EIF4EBP1: variants seen among roughly 807,000 people sequenced by gnomAD.
EIF4EBP1 encodes eukaryotic translation initiation factor 4E binding protein 1.
A neutral mutation model predicts 9.2 loss-of-function variants in EIF4EBP1; 5 were observed. The ratio of observed to expected loss-of-function variants is 0.54; its 90% CI spans 0.28 to 1.14. EIF4EBP1 has a LOEUF of 1.14. Among genes scored for constraint, EIF4EBP1 ranks in the 50% most tolerant of loss-of-function variants. The pLI is 0.09. For missense variants in EIF4EBP1, 139 were observed against 169.6 expected, an observed-to-expected ratio of 0.82 and a Z score of 1.00; for synonymous variants, 62 against 67.0, an observed-to-expected ratio of 0.93 and a Z score of 0.36.
intron 1 of EIF4EBP1, among the ~76,000 whole-genome samples, chr8:38,043,855 C>T (rs1320694886): frequency 6.6e-6 from 1 of 152,120 alleles, no homozygotes; most frequent in African/African-American, 2.4e-5. Context: ...CTGCATCTCT[C>T]ACCAGGATTT....
chr8:38,051,218 C>T (rs1388744834), intron 1 of EIF4EBP1, among the ~76,000 whole-genome samples: 4 of 152,164 alleles, frequency 2.6e-5, no homozygotes, highest in South Asian at 2.1e-4. Flanking sequence ...CTGGGGCAAA[C>T]GGAGAACTTG....
At chr8:38,043,058 C>A (rs556537009) in intron 1 of EIF4EBP1, among the ~76,000 whole-genome samples, 86 of 152,240 alleles carry the variant, frequency 5.6e-4, no homozygotes, top group Middle Eastern at 3.4e-3. Context: ...CAGAGTGAGA[C>A]CCCATCTCAC....
intron 2 of EIF4EBP1, among the ~76,000 whole-genome samples, chr8:38,058,217 T>C (rs1348159832): frequency 6.6e-6 from 1 of 152,008 alleles, no homozygotes; most frequent in Non-Finnish European, 1.5e-5. Context: ...TGAAGAAAAA[T>C]GGTTTATTTC....
intron 1 of EIF4EBP1, among the ~76,000 whole-genome samples, chr8:38,044,086 G>A (rs1452715680): frequency 1.3e-5 from 2 of 152,076 alleles, no homozygotes; most frequent in Non-Finnish European, 2.9e-5. Flanking sequence ...TTGGATCTGA[G>A]CAGAAGCATT....
chr8:38,059,214 G>A lies in EIF4EBP1; in HGVS notation c.326-690G>A, dbSNP rs564686842. Among the ~76,000 whole-genome samples the A allele has an allele frequency of 8.5e-5, 13 of 152,334 alleles. 1 individual carries two copies. In the South Asian group the frequency reaches 1.9e-3, roughly 22 times the overall value. Reference sequence around the variant, plus strand: ...GGGCCTGGTGGGAGGTGTTTGGGTCGTGGGGACAGATCCCTCACAGCTTGG... The same window carrying A: ...GGGCCTGGTGGGAGGTGTTTGGGTCATGGGGACAGATCCCTCACAGCTTGG... On this transcript the variant is annotated intron_variant, in intron 2 of 2. Transcript: ENST00000338825.
rs568225310 is a variant in EIF4EBP1 at position 38,033,602 on chromosome 8, T to TTTGA, written c.145+2884_145+2885insTTGA. ...TGCACCTGCTTACTTATAGGGACTG[T>TTTGA]CAGCTTCTCAGGAAAAACCATTGGA... On this transcript the variant is annotated intron_variant, in intron 1 of 2. Coordinates refer to ENST00000338825, the MANE Select transcript of EIF4EBP1 (RefSeq NM_004095.4). Among the ~76,000 whole-genome samples the TTTGA allele has an allele frequency of 3.0e-3, 461 of 152,074 alleles. 4 individuals are homozygous for TTTGA. The highest frequency in any genetic ancestry group is 0.02 in the South Asian group (96 of 4,814).
chr8:38,056,053 G>A (rs1434546407), intron 1 of EIF4EBP1, among the ~76,000 whole-genome samples: 1 of 151,570 alleles, frequency 6.6e-6, no homozygotes, highest in Non-Finnish European at 1.5e-5. Context: ...CTGTCTTTTT[G>A]AGATAGGGTC....
chr8:38,049,832 C>T (rs961086871), intron 1 of EIF4EBP1, among the ~76,000 whole-genome samples: 2 of 151,952 alleles, frequency 1.3e-5, no homozygotes, highest in African/African-American at 4.8e-5. Flanking sequence ...CTCTTTTCTC[C>T]TTCTGGACTT....
chr8:38,040,348 G>C (rs1809360307), intron 1 of EIF4EBP1, among the ~76,000 whole-genome samples: 1 of 152,206 alleles, frequency 6.6e-6, no homozygotes, highest in African/African-American at 2.4e-5. Flanking sequence ...CATGTAATCT[G>C]ATGGTTATGC....
At position 38,038,048 on chromosome 8, in the gene EIF4EBP1, C is replaced by T. The variant is rs377750606; in HGVS notation, c.145+7330C>T. ...TCAGCCTCCCAAAACACTGGGATTA[C>T]AGGCGTGAGCCACTGGACCAGCCAG... On this transcript the variant is annotated intron_variant, in intron 1 of 2. Coordinates refer to ENST00000338825, the MANE Select transcript of EIF4EBP1 (RefSeq NM_004095.4). 1.2e-3 allele frequency among the ~76,000 whole-genome samples: 175 copies of T among 152,156 alleles called. 5 individuals carry two copies. In the South Asian group the frequency reaches 0.034, roughly 30 times the overall value.
chr8:38,057,821 C>T (rs1259552726), intron 2 of EIF4EBP1, among the ~76,000 whole-genome samples: 2 of 152,170 alleles, frequency 1.3e-5, no homozygotes, highest in Admixed American at 6.5e-5. Context: ...GTCCTTCCTG[C>T]TGTCCCCACC....
At position 38,031,072 on chromosome 8, in the gene EIF4EBP1, C is replaced by T. The variant is rs571508169; in HGVS notation, c.145+354C>T. On this transcript the variant is annotated intron_variant, in intron 1 of 2. Coordinates refer to ENST00000338825, the MANE Select transcript of EIF4EBP1 (RefSeq NM_004095.4). ...GAGAGGGCGGAGTTAGGGTGGCCCA[C>T]GATCCAGGAGAGGCCTGGCCTGGTG... Among the ~76,000 whole-genome samples the T allele has an allele frequency of 1.7e-4, 26 of 152,296 alleles. No individual in the cohort carries two copies. In the South Asian group the frequency reaches 3.3e-3, roughly 19 times the overall value.
chr8:38,051,334 A>G (rs1809521466), intron 1 of EIF4EBP1, among the ~76,000 whole-genome samples: 1 of 152,054 alleles, frequency 6.6e-6, no homozygotes, highest in African/African-American at 2.4e-5. Context: ...ATTTGGGGTG[A>G]CAGTTGGAGC....
At chr8:38,040,367 G>A (rs1205404585) in intron 1 of EIF4EBP1, among the ~76,000 whole-genome samples, 6 of 152,224 alleles carry the variant, frequency 3.9e-5, no homozygotes, top group Non-Finnish European at 8.8e-5. Flanking sequence ...GCCCATGAAA[G>A]CTCATTAAGA....
rs111642407 is a variant in EIF4EBP1, at chr8:38,048,838, A to G, written c.146-8243A>G. ...AATAAAATTTGATTTAATTTAAAGA[A>G]AAAAGAGAGGCCGGGTACGGTGGCT... On this transcript the variant is annotated intron_variant, in intron 1 of 2. Transcript: ENST00000338825. 4.3e-3 allele frequency among the ~76,000 whole-genome samples: 659 copies of G among 152,126 alleles called. 8 individuals are homozygous for G. The highest frequency in any genetic ancestry group is 0.015 in the African/African-American group (616 of 41,510).
chr8:38,049,125 CAAAAAA>C (rs916485531), intron 1 of EIF4EBP1, among the ~76,000 whole-genome samples: 2 of 79,392 alleles, frequency 2.5e-5, no homozygotes, highest in African/African-American at 9.3e-5. Flanking sequence ...AACTCCGTCT[CAAAAAA>C]AAAAAAAAGA....
intron 1 of EIF4EBP1, among the ~76,000 whole-genome samples, chr8:38,049,987 C>T (rs923043561): frequency 6.6e-6 from 1 of 151,890 alleles, no homozygotes; most frequent in African/African-American, 2.4e-5. Flanking sequence ...TCTCGGCTCA[C>T]TGCAGCCTCC....
At chr8:38,031,491 G>A (rs1809219556) in intron 1 of EIF4EBP1, among the ~76,000 whole-genome samples, 1 of 152,198 alleles carries the variant, frequency 6.6e-6, no homozygotes, top group East Asian at 1.9e-4. Flanking sequence ...GCGCACAGAC[G>A]CTGATGAAAC....
Position 38,047,486 on chromosome 8 carries a change from G to GT in EIF4EBP1, c.146-9579dup, listed in dbSNP as rs1178556827. ...GGTGTAGTGTAGGGTTTTGGGTTTT[G>GT]TTTTTTTTTTTTTTTTGAGACAGAG... is the stretch of plus-strand genomic sequence containing the variant. On this transcript the variant is annotated intron_variant, in intron 1 of 2. Transcript: ENST00000338825. 532 of 60,900 alleles carry GT rather than the reference G, an allele frequency of 8.7e-3. 2 individuals are homozygous for GT. The highest frequency in any genetic ancestry group is 0.016 in the African/African-American group (279 of 17,984). The allele number at this position is 60,900 out of a possible 1,614,324, so 3.8% of individuals were successfully genotyped here.
Sources: allele counts gnomAD v4.1 joint callset (sites outside exome capture counted in the v4.1 genomes callset), GRCh38; gene constraint gnomAD v4.1.1; transcripts MANE v1.5; gene names NCBI Gene and HGNC (gene_info 2026-07-23, HGNC 2026-07-21).